The following ZBTB40 variants were observed in gnomAD, a reference collection of about 807,000 sequenced individuals.
ZBTB40 encodes the protein zinc finger and BTB domain containing 40, also known as zinc finger and BTB domain-containing protein 40.
Under a neutral mutation model 117.5 loss-of-function variants are expected in ZBTB40, and 60 were observed. That is an observed-to-expected ratio of 0.51 (90% CI 0.41 to 0.63). ZBTB40 has a LOEUF of 0.63. Among genes scored for constraint, ZBTB40 ranks in the 30% least tolerant of loss-of-function variants. The pLI is 0.00. For missense variants in ZBTB40, 1,287 were observed against 1,498.5 expected, an observed-to-expected ratio of 0.86 and a Z score of 2.33; for synonymous variants, 525 against 577.1, an observed-to-expected ratio of 0.91 and a Z score of 1.29.
intron 1 of ZBTB40, among the ~76,000 whole-genome samples, chr1:22,441,552 A>C (rs1640733536): frequency 3.8e-5 from 5 of 130,638 alleles, no homozygotes; most frequent in African/African-American, 1.4e-4. Context: ...GCATGATCTC[A>C]GCTCACTGCA....
At chr1:22,515,398 C>G (rs949395094) in intron 12 of ZBTB40, among the ~76,000 whole-genome samples, 12 of 152,170 alleles carry the variant, frequency 7.9e-5, no homozygotes, top group Non-Finnish European at 1.5e-4. Flanking sequence ...ACCACAAATG[C>G]TGGCCTAAAA....
chr1:22,508,470 C>A, intron 7 of ZBTB40, 60 bp from the exon 8 acceptor site: 1 of 1,593,542 alleles, frequency 6.3e-7, no homozygotes, highest in Non-Finnish European at 8.6e-7. Context: ...ACTTGCAGCT[C>A]TGCAGCTGGG....
In ZBTB40 at chr1:22,429,455, G is replaced by A. The variant is rs544053180; in HGVS notation, c.-70+441G>A. ...TTGCCTACATTTTTTTTTTCTAATA[G>A]TTTTATAACTTTGCTTTTTCACATT... is the stretch of plus-strand genomic sequence containing the variant. On this transcript the variant is annotated intron_variant, in intron 1 of 8. Coordinates refer to the ZBTB40 transcript ENST00000650433. Among the ~76,000 whole-genome samples, 11 of 150,876 alleles carry A rather than the reference G, an allele frequency of 7.3e-5. No homozygotes were observed. The South Asian group carries it at 2.1e-3, about 29-fold the overall frequency.
chr1:22,437,571 C>T (rs889267621), intron 1 of ZBTB40, among the ~76,000 whole-genome samples: 1 of 151,868 alleles, frequency 6.6e-6, no homozygotes, highest in Admixed American at 6.6e-5. Context: ...AGGCACGCAC[C>T]ACTACACCCG....
At chr1:22,431,591 C>G (rs1480934980) in intron 1 of ZBTB40, among the ~76,000 whole-genome samples, 1 of 151,724 alleles carries the variant, frequency 6.6e-6, no homozygotes, top group Non-Finnish European at 1.5e-5. Flanking sequence ...CAAAAACTAG[C>G]TGGGCATGGT....
At chr1:22,510,660 T>G (rs2124456889) in intron 9 of ZBTB40, among the ~76,000 whole-genome samples, 1 of 152,354 alleles carries the variant, frequency 6.6e-6, no homozygotes, top group South Asian at 2.1e-4. Flanking sequence ...TGAACCTTCT[T>G]TAAAACGCTG....
At chr1:22,481,510 CTCT>C (rs770100964) in intron 1 of ZBTB40, among the ~76,000 whole-genome samples, 53 of 151,852 alleles carry the variant, frequency 3.5e-4, no homozygotes, top group Non-Finnish European at 6.5e-4. Flanking sequence ...TTTTCTTTTT[CTCT>C]TCTTATTTAG....
rs1361519433 is a variant in ZBTB40 at position 22,511,897 on chromosome 1, G to A, written c.2224G>A (p.Asp742Asn). Residue 742 changes from aspartate to asparagine, a missense_variant, in exon 11 of 18, where the codon GAC (aspartate) becomes AAC (asparagine). By Grantham distance (23) the Asp-to-Asn change is conservative (BLOSUM62 1). Transcript: ENST00000375647. Reference protein sequence around the residue: ...AKKSFICKACDKSFHFYCRLK... With the variant: ...AKKSFICKACNKSFHFYCRLK... Reference sequence around the variant, plus strand: ...GAAGAGCTTCATCTGTAAGGCCTGCGACAAAAGCTTCCATTTCTACTGCCG... The same window carrying A: ...GAAGAGCTTCATCTGTAAGGCCTGCAACAAAAGCTTCCATTTCTACTGCCG... The A allele has an allele frequency of 4.3e-6, 7 of 1,614,170 alleles. No individual in the cohort carries two copies. The highest frequency in any genetic ancestry group is 4.5e-5 in the East Asian group (2 of 44,878).
At chr1:22,487,776 G>T (rs1638512233) in intron 1 of ZBTB40, among the ~76,000 whole-genome samples, 1 of 152,024 alleles carries the variant, frequency 6.6e-6, no homozygotes, top group East Asian at 1.9e-4. Flanking sequence ...ACATGACTTT[G>T]CTGCTTAAAG....
intron 1 of ZBTB40, among the ~76,000 whole-genome samples, chr1:22,445,500 T>C (rs1342485044): frequency 6.6e-6 from 1 of 152,144 alleles, no homozygotes; most frequent in Non-Finnish European, 1.5e-5. Flanking sequence ...TTTACAGATC[T>C]TATTTACCCA....
chr1:22,459,986 C>G (rs1355082569), intron 1 of ZBTB40, among the ~76,000 whole-genome samples: 3 of 152,102 alleles, frequency 2.0e-5, no homozygotes, highest in Non-Finnish European at 1.5e-5. Flanking sequence ...TAGAATCCCT[C>G]CAGAAGATCC....
At chr1:22,464,270 T>C (rs1389584950) in intron 1 of ZBTB40, among the ~76,000 whole-genome samples, 1 of 152,250 alleles carries the variant, frequency 6.6e-6, no homozygotes, top group Non-Finnish European at 1.5e-5. Context: ...GTAGTCTGGC[T>C]CCAGCTCTGG....
In ZBTB40 at chr1:22,528,728, G is replaced by A. The variant is rs1159905855; in HGVS notation, c.*2332G>A. 6.6e-6 allele frequency: 1 copy of A among 150,712 alleles called. No homozygotes were observed. Among genetic ancestry groups the A allele is most frequent in the Admixed American group, 6.6e-5 (1 of 15,142 alleles). The allele number at this position is 150,712 out of a possible 1,614,324, so 9.3% of individuals were successfully genotyped here. ...TTTTTTTTTTTTTTGTAGAGACAGGGTCTCGCCATGTTGCCCAGGCTGGTT... is the reference window on the plus strand; with the variant it reads ...TTTTTTTTTTTTTTGTAGAGACAGGATCTCGCCATGTTGCCCAGGCTGGTT... On this transcript the variant is annotated 3_prime_UTR_variant, in exon 18 of 18. Transcript: ENST00000375647.
intron 1 of ZBTB40, among the ~76,000 whole-genome samples, chr1:22,442,303 CAA>C (rs1479463555): frequency 1.3e-5 from 2 of 152,208 alleles, no homozygotes; most frequent in African/African-American, 2.4e-5. Flanking sequence ...AGAGAAAGGA[CAA>C]GAGAGAGAGA....
At chr1:22,447,771 C>T (rs957981193), upstream of ZBTB40, among the ~76,000 whole-genome samples, 5 of 152,166 alleles carry the variant, frequency 3.3e-5, no homozygotes, top group Non-Finnish European at 5.9e-5. Context: ...AGGCAGTTGA[C>T]CCTTCTGAGT....
intron 3 of ZBTB40, among the ~76,000 whole-genome samples, chr1:22,492,817 A>G (rs774005733): frequency 6.6e-6 from 1 of 152,200 alleles, no homozygotes; most frequent in African/African-American, 2.4e-5. Context: ...TACTCTTTGT[A>G]CTGATTATGC....
chr1:22,434,578 A>G (rs1640646677), intron 1 of ZBTB40, among the ~76,000 whole-genome samples: 1 of 151,942 alleles, frequency 6.6e-6, no homozygotes, highest in South Asian at 2.1e-4. Flanking sequence ...TAAGTCTTTG[A>G]TCTTTTTATG....
chr1:22,448,783 G>C (rs1640819016), upstream of ZBTB40, among the ~76,000 whole-genome samples: 1 of 150,344 alleles, frequency 6.7e-6, no homozygotes, highest in Admixed American at 6.7e-5. Flanking sequence ...AGCAGGAGAA[G>C]TCGTGGTGGT....
Position 22,490,074 on chromosome 1 carries a change from G to T in ZBTB40, c.126G>T (p.Leu42=), listed in dbSNP as rs757799697. Residue 42 remains leucine, a synonymous_variant, in exon 2 of 18, where the codon CTG becomes CTT. Transcript: ENST00000375647. Reference sequence around the variant, plus strand: ...ACTTCAGGGCTCACAAGCTTGTCCTGGCTGCTGCCAGCCTCCTGTTCAAAA... The same window carrying T: ...ACTTCAGGGCTCACAAGCTTGTCCTTGCTGCTGCCAGCCTCCTGTTCAAAA... ...TIYFRAHKLV[L]AAASLLFKTL... 1 of 1,614,010 alleles carries T rather than the reference G, an allele frequency of 6.2e-7. No individual in the cohort carries two copies. The highest frequency in any genetic ancestry group is 8.5e-7 in the Non-Finnish European group (1 of 1,180,036).
Sources: gnomAD v4.1 joint callset for allele counts (sites outside exome capture counted in the v4.1 genomes callset) on GRCh38, gnomAD v4.1.1 for gene constraint, MANE v1.5 for transcripts, NCBI Gene and HGNC (gene_info 2026-07-23, HGNC 2026-07-21) for gene names.